The following DICER1 variants were observed in gnomAD, a reference collection of about 807,000 sequenced individuals.
The protein encoded by DICER1 is dicer 1, ribonuclease III.
A neutral mutation model predicts 194.1 loss-of-function variants in DICER1; 43 were observed. The ratio of observed to expected loss-of-function variants is 0.22; its 90% confidence interval spans 0.17 to 0.29. The LOEUF is 0.29. DICER1 is among the 10% of genes least tolerant of loss of function. The probability of loss-of-function intolerance (pLI) is 1.00; values close to 1 mark genes in which losing one functional copy is unlikely to be tolerated. For synonymous variants in DICER1, 832 were observed against 820.5 expected (o/e 1.01, Z -0.24); for missense variants, 1,608 against 2,317.0 (o/e 0.69, Z 6.28).
chr14:95,091,900 T>C (rs1171910939), intron 24 of DICER1, among the ~76,000 whole-genome samples: 1 of 152,214 alleles, frequency 6.6e-6, no homozygotes, highest in Non-Finnish European at 1.5e-5. Context: ...AGATATGTGT[T>C]CACTATAACC....
At position 95,088,356 on chromosome 14, in the gene DICER1, C is replaced by T. The variant is rs752074297; in HGVS notation, c.*2142G>A. The T allele has an allele frequency of 4.3e-6, 1 of 232,066 alleles. No homozygotes were observed. The highest frequency in any genetic ancestry group is 6.1e-5 in the East Asian group (1 of 16,304). The allele number at this position is 232,066 out of a possible 1,614,324, so 14.4% of individuals were successfully genotyped here. A position where few individuals can be genotyped will look rare whatever the true frequency, so the allele number is the denominator to read the frequency against. On this transcript the variant is annotated 3_prime_UTR_variant, in exon 27 of 27. Coordinates refer to ENST00000343455, the MANE Select transcript of DICER1 (RefSeq NM_177438.3). The stretch of plus-strand genomic sequence containing the variant: ...TTGGTGCCAGGAATCAAGAGAATCC[C>T]GTAACACTGGGATCAATGTATTAGA...
chr14:95,096,778 T>C (rs1566757436), intron 22 of DICER1, 65 bp from the exon 23 acceptor site: 52 of 1,520,762 alleles, frequency 3.4e-5, no homozygotes, highest in Admixed American at 4.5e-5. Flanking sequence ...GGTTTGAAAC[T>C]CAATAAAAGC....
At chr14:95,115,353 A>T (rs1293250238) in intron 11 of DICER1, among the ~76,000 whole-genome samples, 1 of 152,202 alleles carries the variant, frequency 6.6e-6, no homozygotes, top group Non-Finnish European at 1.5e-5. Flanking sequence ...CCCAATGGTT[A>T]TGGCACAAAA....
intron 4 of DICER1, among the ~76,000 whole-genome samples, chr14:95,130,654 A>G (rs1444424425): frequency 6.6e-6 from 1 of 152,234 alleles, no homozygotes; most frequent in Admixed American, 6.5e-5. Context: ...CAGTATGTGA[A>G]GCACACTAGT....
At chr14:95,094,426 C>T (rs1890131812) in intron 23 of DICER1, among the ~76,000 whole-genome samples, 1 of 152,108 alleles carries the variant, frequency 6.6e-6, no homozygotes, top group Admixed American at 6.5e-5. Context: ...AAAACAAAAC[C>T]TCACAGGTGC....
At chr14:95,126,545 A>C in intron 7 of DICER1, 35 bp downstream of exon 7, 1 of 1,317,902 alleles carries the variant, frequency 7.6e-7, no homozygotes. Flanking sequence ...AAGCTTTCAA[A>C]ATATAATCAC....
chr14:95,155,874 GTGTA>G (rs1895822288), intron 1 of DICER1, among the ~76,000 whole-genome samples: 1 of 152,102 alleles, frequency 6.6e-6, no homozygotes, highest in African/African-American at 2.4e-5. Context: ...TGAAATAATT[GTGTA>G]TGTATGTGCA....
At chr14:95,147,182 C>G (rs918079147) in intron 1 of DICER1, among the ~76,000 whole-genome samples, 1 of 152,208 alleles carries the variant, frequency 6.6e-6, no homozygotes, top group African/African-American at 2.4e-5. Context: ...AACATCCTCC[C>G]AGCCGTGTGC....
At position 95,106,676 on chromosome 14, in the gene DICER1, GA is replaced by G. The variant is rs1012892634; in HGVS notation, c.2805-454del. 3.4e-5 allele frequency among the ~76,000 whole-genome samples: 5 copies of G among 144,944 alleles called. No homozygotes were observed. The East Asian group carries it at 8.0e-4, about 23-fold the overall frequency. ...AAAATATGGTTTTGAGGTGCAAAAA[GA>G]AAAAAAAAATCAAAGATTGAATTAC... On this transcript the variant is annotated intron_variant, in intron 17 of 26. Transcript: ENST00000343455.
chr14:95,097,643 T>C (rs1265792407), intron 22 of DICER1, among the ~76,000 whole-genome samples: 2 of 150,240 alleles, frequency 1.3e-5, no homozygotes, highest in Non-Finnish European at 2.9e-5. Flanking sequence ...AAAAAACTTG[T>C]GAAGGGGGAA....
intron 1 of DICER1, among the ~76,000 whole-genome samples, chr14:95,144,753 C>A (rs1895029042): frequency 6.6e-6 from 1 of 152,140 alleles, no homozygotes; most frequent in African/African-American, 2.4e-5. Context: ...ATGCCACCCC[C>A]AACTATGCCA....
At position 95,096,657 on chromosome 14, in the gene DICER1, A is replaced by T. The variant is rs1219156713; in HGVS notation, c.4263T>A (p.Asp1421Glu). 6.2e-7 allele frequency: 1 copy of T among 1,612,374 alleles called. No individual in the cohort carries two copies. The highest frequency in any genetic ancestry group is 1.1e-5 in the South Asian group (1 of 90,774). ...TCCACATCAGGCTCTCCTCCTCCTCATCCTCCTCCTCGTAATCCTCATCCA... is the reference window on the plus strand; with the variant it reads ...TCCACATCAGGCTCTCCTCCTCCTCTTCCTCCTCCTCGTAATCCTCATCCA... ...GKLDEDYEEE[D>E]EEEESLMWRA... is the part of the protein sequence containing the mutation. Residue 1421 changes from aspartate (D) to glutamate (E), a missense_variant, in exon 23 of 27, where the codon GAT becomes GAA. Coordinates refer to ENST00000343455, the MANE Select transcript of DICER1 (RefSeq NM_177438.3).
intron 1 of DICER1, among the ~76,000 whole-genome samples, chr14:95,139,677 A>G (rs1331025957): frequency 2.6e-4 from 40 of 152,186 alleles, no homozygotes; most frequent in Admixed American, 2.6e-3. Flanking sequence ...TGTCCACACA[A>G]TAATATACAG....
intron 24 of DICER1, among the ~76,000 whole-genome samples, chr14:95,092,135 C>T (rs1566747785): frequency 6.6e-6 from 1 of 152,180 alleles, no homozygotes; most frequent in Non-Finnish European, 1.5e-5. Context: ...CAATCAGCCA[C>T]GTGTTGACTA....
At chr14:95,148,024 G>C (rs937188036) in intron 1 of DICER1, among the ~76,000 whole-genome samples, 2 of 152,222 alleles carry the variant, frequency 1.3e-5, no homozygotes, top group African/African-American at 4.8e-5. Flanking sequence ...CACAGCGAGA[G>C]TCCATCTCAA....
At chr14:95,146,112 C>T (rs1895116090) in intron 1 of DICER1, among the ~76,000 whole-genome samples, 1 of 152,198 alleles carries the variant, frequency 6.6e-6, no homozygotes, top group African/African-American at 2.4e-5. Flanking sequence ...CAGACAAATG[C>T]CTAGGCAGAC....
At chr14:95,149,910 G>A (rs1196539702) in intron 1 of DICER1, among the ~76,000 whole-genome samples, 1 of 152,174 alleles carries the variant, frequency 6.6e-6, no homozygotes, top group African/African-American at 2.4e-5. Context: ...TGGCACCCAA[G>A]TCCAAAAGAA....
intron 13 of DICER1, among the ~76,000 whole-genome samples, chr14:95,111,728 T>TA (rs1891982145): frequency 7.4e-6 from 1 of 134,450 alleles, no homozygotes; most frequent in Admixed American, 7.5e-5. Context: ...CAATGCTAAA[T>TA]AAAATGGCCA....
chr14:95,137,124 G>C (rs893295121), intron 1 of DICER1, among the ~76,000 whole-genome samples: 2 of 149,594 alleles, frequency 1.3e-5, no homozygotes, highest in African/African-American at 4.9e-5. Context: ...GGGAAAGCAA[G>C]GGAAAGGGGA....
Sources: gnomAD v4.1 joint callset for allele counts (sites outside exome capture counted in the v4.1 genomes callset) on GRCh38, gnomAD v4.1.1 for gene constraint, MANE v1.5 for transcripts, NCBI Gene and HGNC (gene_info 2026-07-23, HGNC 2026-07-21) for gene names.